The following ABCC9 variants were observed in gnomAD, a reference collection of about 807,000 sequenced individuals.
The protein encoded by ABCC9 is ATP-binding cassette sub-family C member 9.
Under a neutral mutation model 188.3 loss-of-function variants are expected in ABCC9, and 95 were observed. That is an observed-to-expected ratio of 0.50 (90% CI 0.43 to 0.60). The LOEUF is 0.60. Among genes scored for constraint, ABCC9 ranks in the 20% least tolerant of loss-of-function variants. The pLI, the probability that ABCC9 is intolerant of heterozygous loss-of-function variation, is 0.00. For synonymous variants in ABCC9, 659 were observed against 652.7 expected (o/e 1.01, Z -0.15); for missense variants, 1,102 against 1,876.3 (o/e 0.59, Z 7.62).
chr12:21,919,045 A>G (rs1289705492), intron 5 of ABCC9, among the ~76,000 whole-genome samples: 2 of 152,156 alleles, frequency 1.3e-5, no homozygotes, highest in African/African-American at 4.8e-5. Flanking sequence ...TTCAAGAAGT[A>G]CAACTAAAAT....
chr12:21,908,042 T>C, intron 11 of ABCC9, 35 bp downstream of exon 11: 2 of 1,604,548 alleles, frequency 1.2e-6, no homozygotes, highest in Non-Finnish European at 1.7e-6. Flanking sequence ...GCATTTCTCA[T>C]TTTTGTAATT....
intron 29 of ABCC9, among the ~76,000 whole-genome samples, chr12:21,842,020 C>T (rs1416350092): frequency 1.3e-5 from 2 of 152,138 alleles, no homozygotes; most frequent in African/African-American, 4.8e-5. Context: ...TGCTCAAGTC[C>T]GTTATATAAA....
At chr12:21,863,629 A>G (rs1296029847) in intron 19 of ABCC9, among the ~76,000 whole-genome samples, 1 of 152,164 alleles carries the variant, frequency 6.6e-6, no homozygotes, top group African/African-American at 2.4e-5. Flanking sequence ...ATATATTGAA[A>G]TCGCTTATAT....
intron 14 of ABCC9, among the ~76,000 whole-genome samples, chr12:21,891,276 C>T (rs2032775): frequency 0.35 from 53,795 of 151,980 alleles, 11,097 homozygotes; most frequent in Middle Eastern, 0.47. Flanking sequence ...GGTGGTAAGA[C>T]GGTGAAATGG....
Position 21,925,829 on chromosome 12 carries a change from TC to T in ABCC9, c.406+112del. ...ATTAATCACTGGTTTTCCCATACTTTCTACTCCCCACACACTCTGATACTAT... is the reference window on the plus strand; with the variant it reads ...ATTAATCACTGGTTTTCCCATACTTTTACTCCCCACACACTCTGATACTAT... On this transcript the variant is annotated intron_variant, in intron 5 of 39. Coordinates refer to ENST00000261200, the MANE Select transcript of ABCC9 (RefSeq NM_020297.4). 4 of 1,183,622 alleles carry T rather than the reference TC, an allele frequency of 3.4e-6. No homozygotes were observed. In the Admixed American group the frequency reaches 7.7e-5, roughly 23 times the overall value. The allele number at this position is 1,183,622 out of a possible 1,614,324, so 73.3% of individuals were successfully genotyped here.
rs553265702 is a variant in ABCC9, at chr12:21,798,583, G to C, written c.*2461C>G. ...TATTAGCCCTTTGTCAGATGAGTAG[G>C]TTGCGAAAATTTTCTCCCATGTTGT... On this transcript the variant is annotated 3_prime_UTR_variant, in exon 40 of 40. Coordinates refer to ENST00000261200, the MANE Select transcript of ABCC9 (RefSeq NM_020297.4). The C allele has an allele frequency of 6.6e-6, 1 of 150,524 alleles. No homozygotes were observed. The highest frequency in any genetic ancestry group is 2.5e-5 in the African/African-American group (1 of 40,784). The allele number at this position is 150,524 out of a possible 1,614,324, so 9.3% of individuals were successfully genotyped here. A position where few individuals can be genotyped will look rare whatever the true frequency, so the allele number is the denominator to read the frequency against.
Position 21,872,648 on chromosome 12 carries a change from C to A in ABCC9, c.2175G>T (p.Leu725Phe). ...LLAILGEMQT[L>F]EGKVHWSNVN... ...ACTTGCTCCAGTGAACTTTTCCTTC[C>A]AATGTCTGCATCTCACCGAGGATGG... is the stretch of plus-strand genomic sequence containing the variant. The change falls in exon 18 of 40, where the codon TTG (leucine) becomes TTT (phenylalanine). Residue 725 changes from leucine (L) to phenylalanine (F), a missense_variant. By Grantham distance (22) the Leu-to-Phe change is conservative (BLOSUM62 0). This residue lies in a region of ABCC9 where 258 missense variants were observed against 325.6 expected (regional missense o/e 0.79). Transcript: ENST00000261200. 2 of 1,613,718 alleles carry A rather than the reference C, an allele frequency of 1.2e-6. No homozygotes were observed. The highest frequency in any genetic ancestry group is 1.7e-6 in the Non-Finnish European group (2 of 1,179,736).
chr12:21,859,452 A>C, intron 22 of ABCC9, 134 bp downstream of exon 22: 1 of 866,586 alleles, frequency 1.2e-6, no homozygotes, highest in Non-Finnish European at 1.9e-6. Flanking sequence ...TCAAGGATTT[A>C]TTTCCCCTAT....
intron 18 of ABCC9, among the ~76,000 whole-genome samples, chr12:21,866,354 T>G (rs1278924341): frequency 6.6e-6 from 1 of 152,136 alleles, no homozygotes; most frequent in African/African-American, 2.4e-5. Flanking sequence ...ACAACTGAAC[T>G]AGAGGGAACA....
intron 2 of ABCC9, among the ~76,000 whole-genome samples, chr12:21,936,915 G>A (rs984272775): frequency 2.0e-5 from 3 of 152,062 alleles, no homozygotes; most frequent in Admixed American, 6.6e-5. Flanking sequence ...AGAGAAAAAT[G>A]CTTTCATGTG....
In ABCC9 at chr12:21,924,051, C is replaced by T. The variant is rs1469505185; in HGVS notation, c.406+1891G>A. 9 of 420,020 alleles carry T rather than the reference C, an allele frequency of 2.1e-5. No homozygotes were observed. The East Asian group carries it at 3.2e-4, about 15-fold the overall frequency. The allele number at this position is 420,020 out of a possible 1,614,324, so 26.0% of individuals were successfully genotyped here. On this transcript the variant is annotated intron_variant, in intron 5 of 39. Transcript: ENST00000261200. ...AATTTACATGAAGTTCTAGAACAGG[C>T]AAACCTAATCCATGGTGGGGGTAAA... is the stretch of plus-strand genomic sequence containing the variant.
chr12:21,853,062 C>G (rs1021412732), intron 22 of ABCC9, among the ~76,000 whole-genome samples: 8 of 152,206 alleles, frequency 5.3e-5, no homozygotes, highest in African/African-American at 1.9e-4. Context: ...CGTCTGTAAT[C>G]CCAGCATTTT....
At chr12:21,832,745 T>A (rs1943845103) in intron 30 of ABCC9, among the ~76,000 whole-genome samples, 1 of 152,152 alleles carries the variant, frequency 6.6e-6, no homozygotes, top group African/African-American at 2.4e-5. Flanking sequence ...GTAGAACTGC[T>A]ATTTGATCCA....
rs1941224965 is a variant in ABCC9 at position 21,797,828 on chromosome 12, G to C, written c.*3216C>G. ...AGTAACCCTGGTATTTTAATATAAT[G>C]CTTTATGCATTTATTGCTTCTTATG... On this transcript the variant is annotated 3_prime_UTR_variant, in exon 40 of 40. Transcript: ENST00000261200. The C allele has an allele frequency of 6.6e-6, 1 of 152,070 alleles. No homozygotes were observed. The allele number at this position is 152,070 out of a possible 1,614,324, so 9.4% of individuals were successfully genotyped here.
chr12:21,918,335 T>A (rs1447660336), intron 5 of ABCC9, among the ~76,000 whole-genome samples: 1 of 152,130 alleles, frequency 6.6e-6, no homozygotes, highest in Non-Finnish European at 1.5e-5. Flanking sequence ...CTATTTGATA[T>A]TTATAAAACT....
chr12:21,841,735 C>T (rs1944407038), intron 29 of ABCC9, among the ~76,000 whole-genome samples: 2 of 152,068 alleles, frequency 1.3e-5, no homozygotes, highest in Admixed American at 6.6e-5. Context: ...AGTCTTAGAA[C>T]TCAAAACTCA....
At chr12:21,875,157 C>T (rs917865158) in intron 17 of ABCC9, among the ~76,000 whole-genome samples, 1 of 152,130 alleles carries the variant, frequency 6.6e-6, no homozygotes, top group African/African-American at 2.4e-5. Flanking sequence ...TGATGGTTTT[C>T]ACAGGTATAC....
chr12:21,882,259 A>G (rs144809548), intron 16 of ABCC9, among the ~76,000 whole-genome samples: 287 of 150,906 alleles, frequency 1.9e-3, no homozygotes, highest in Middle Eastern at 0.01. Flanking sequence ...TTTATCCCCA[A>G]CTCTCGGTTG....
rs1396827841 is a variant in ABCC9 at position 21,829,066 on chromosome 12, G to GA, written c.3567-7dup. On this transcript the variant is annotated splice_polypyrimidine_tract_variant and splice_region_variant and intron_variant, in intron 30 of 39. Transcript: ENST00000261200. Reference sequence around the variant, plus strand: ...GTTTAAATCTGGTTTCATGCCTGCAGAAAACAAAAACACGATGTTAACCAC... The same window carrying GA: ...GTTTAAATCTGGTTTCATGCCTGCAGAAAAACAAAAACACGATGTTAACCAC... 1 of 1,606,082 alleles carries GA rather than the reference G, an allele frequency of 6.2e-7. No individual in the cohort carries two copies. Among genetic ancestry groups the GA allele is most frequent in the Non-Finnish European group, 8.5e-7 (1 of 1,174,946 alleles).
Sources: gnomAD v4.1 joint callset for allele counts (sites outside exome capture counted in the v4.1 genomes callset) on GRCh38, gnomAD v4.1.1 for gene constraint, gnomAD v4.1.1 regional missense constraint, MANE v1.5 for transcripts, NCBI Gene and HGNC (gene_info 2026-07-23, HGNC 2026-07-21) for gene names.